BTBD9: variants seen among roughly 807,000 people sequenced by gnomAD.
BTBD9 encodes BTB/POZ domain-containing protein 9.
Under a neutral mutation model 64.3 loss-of-function variants are expected in BTBD9, and 49 were observed. The ratio of observed to expected loss-of-function variants is 0.76; its 90% confidence interval spans 0.61 to 0.97. The LOEUF is 0.97. BTBD9 is among the 50% of genes least tolerant of loss of function. The pLI, the probability that BTBD9 is intolerant of heterozygous loss-of-function variation, is 0.00. For missense variants in BTBD9, 598 were observed against 762.1 expected (o/e 0.78, Z 2.53); for synonymous variants, 260 against 274.7 (o/e 0.95, Z 0.53).
At chr6:38,628,272 T>G (rs957363680) in intron 1 of BTBD9, among the ~76,000 whole-genome samples, 1 of 152,118 alleles carries the variant, frequency 6.6e-6, no homozygotes, top group Non-Finnish European at 1.5e-5. Flanking sequence ...AAACTGTAGT[T>G]CAAATGAATA....
At chr6:38,524,150 A>C (rs989540599) in intron 6 of BTBD9, among the ~76,000 whole-genome samples, 5 of 151,786 alleles carry the variant, frequency 3.3e-5, no homozygotes, top group African/African-American at 1.2e-4. Flanking sequence ...TTTATAAATT[A>C]AATATAAAAT....
At chr6:38,520,385 C>T (rs968843726) in intron 6 of BTBD9, among the ~76,000 whole-genome samples, 11 of 151,750 alleles carry the variant, frequency 7.2e-5, no homozygotes, top group African/African-American at 2.4e-4. Context: ...CACTTGAACC[C>T]GAGAGGCAGA....
At chr6:38,298,840 T>A (rs1316738094) in intron 7 of BTBD9, among the ~76,000 whole-genome samples, 1 of 149,704 alleles carries the variant, frequency 6.7e-6, no homozygotes, top group East Asian at 2.0e-4. Flanking sequence ...TTGCTGCAAA[T>A]GAAAGTATTT....
In BTBD9 at chr6:38,479,608, GCCA is replaced by G. The variant is rs765738944; in HGVS notation, c.1154+97989_1154+97991del. 8.5e-5 allele frequency among the ~76,000 whole-genome samples: 13 copies of G among 152,284 alleles called. No homozygotes were observed. In the South Asian group the frequency reaches 2.5e-3, roughly 29 times the overall value. On this transcript the variant is annotated intron_variant, in intron 6 of 10. Coordinates refer to ENST00000481247, the MANE Select transcript of BTBD9 (RefSeq NM_001099272.2). ...TTTCTGACTGCATCCGTGTGACTGG[GCCA>G]CCAAGTCCCACTGATGTAGTTGGTA... is the stretch of plus-strand genomic sequence containing the variant.
chr6:38,348,688 A>T (rs1562058985), intron 6 of BTBD9, among the ~76,000 whole-genome samples: 1 of 152,180 alleles, frequency 6.6e-6, no homozygotes, highest in Non-Finnish European at 1.5e-5. Context: ...ATAGTTCAGT[A>T]CACAATGTTT....
At chr6:38,566,991 T>C (rs772780911) in intron 6 of BTBD9, among the ~76,000 whole-genome samples, 8 of 152,320 alleles carry the variant, frequency 5.3e-5, no homozygotes, top group Non-Finnish European at 1.2e-4. Context: ...TATCAAGCAG[T>C]TTTTCATTAC....
chr6:38,252,882 G>A (rs1238625090), intron 9 of BTBD9, among the ~76,000 whole-genome samples: 6 of 152,172 alleles, frequency 3.9e-5, no homozygotes, highest in Non-Finnish European at 7.3e-5. Context: ...CAAGGTGGGC[G>A]GATCACCTGA....
At chr6:38,377,435 A>G (rs771476217) in intron 6 of BTBD9, among the ~76,000 whole-genome samples, 2 of 152,244 alleles carry the variant, frequency 1.3e-5, no homozygotes, top group African/African-American at 2.4e-5. Flanking sequence ...AACCAATGAT[A>G]GTATGCAACT....
At chr6:38,348,315 C>A (rs1764367646) in intron 6 of BTBD9, among the ~76,000 whole-genome samples, 1 of 152,126 alleles carries the variant, frequency 6.6e-6, no homozygotes, top group South Asian at 2.1e-4. Context: ...ACAAGAAATC[C>A]TGAATATAGG....
chr6:38,553,382 G>A (rs541595530), intron 6 of BTBD9, among the ~76,000 whole-genome samples: 1 of 152,272 alleles, frequency 6.6e-6, no homozygotes, highest in East Asian at 1.9e-4. Context: ...GAGGGGGCAG[G>A]CTGGTCACTA....
chr6:38,391,235 T>C (rs929826064), intron 6 of BTBD9, among the ~76,000 whole-genome samples: 1 of 152,212 alleles, frequency 6.6e-6, no homozygotes, highest in Non-Finnish European at 1.5e-5. Context: ...ATCCTTTTTA[T>C]CAAGTCTTAA....
chr6:38,225,144 G>A (rs1318313203), intron 9 of BTBD9, among the ~76,000 whole-genome samples: 1 of 152,176 alleles, frequency 6.6e-6, no homozygotes, highest in East Asian at 1.9e-4. Flanking sequence ...TTCAAAGGAC[G>A]GAAATGTTCA....
At chr6:38,282,060 A>G (rs1466676856) in intron 8 of BTBD9, among the ~76,000 whole-genome samples, 3 of 152,202 alleles carry the variant, frequency 2.0e-5, no homozygotes, top group Non-Finnish European at 2.9e-5. Flanking sequence ...TAGCAAGTAG[A>G]AAGATAATAA....
chr6:38,208,962 G>A lies in BTBD9; in HGVS notation c.1563-16365C>T, dbSNP rs117603878. Among the ~76,000 whole-genome samples the A allele has an allele frequency of 1.4e-3, 208 of 152,316 alleles. 5 individuals carry two copies. The East Asian group carries it at 0.032, about 24-fold the overall frequency. On this transcript the variant is annotated intron_variant, in intron 9 of 10. Coordinates refer to ENST00000481247, the MANE Select transcript of BTBD9 (RefSeq NM_001099272.2). ...CGCTGACTAGCCAAAGGCTCACTAA[G>A]ATCAAAAGTCGCACATGGGAGCCTC... is the stretch of plus-strand genomic sequence containing the variant.
chr6:38,577,703 T>C lies in BTBD9; in HGVS notation c.1051A>G (p.Ile351Val). ...DRDSRSYSYF[I>V]EVSMDELDWV... The stretch of plus-strand genomic sequence containing the variant: ...TCAAGTTCATCCATTGACACTTCAA[T>C]GAAGTATGAGTAAGACCTGTGAATC... The change falls in exon 6 of 11, where the codon ATT becomes GTT. Residue 351 changes from isoleucine to valine, a missense_variant. Coordinates refer to ENST00000481247, the MANE Select transcript of BTBD9 (RefSeq NM_001099272.2). 6.2e-7 allele frequency: 1 copy of C among 1,609,052 alleles called. No homozygotes were observed. Among genetic ancestry groups the C allele is most frequent in the South Asian group, 1.1e-5 (1 of 90,790 alleles).
chr6:38,507,507 C>G (rs1772580476), intron 6 of BTBD9, among the ~76,000 whole-genome samples: 1 of 152,212 alleles, frequency 6.6e-6, no homozygotes, highest in African/African-American at 2.4e-5. Context: ...TCCATACCAT[C>G]CAACTGCTCT....
rs184683198 is a variant in BTBD9, at chr6:38,357,555, C to T, written c.1155-12462G>A. Reference sequence around the variant, plus strand: ...TTTCACAAGAACAAAATGGATTATTCAGGCTCTCTGCTCCACTCTCCCCAT... The same window carrying T: ...TTTCACAAGAACAAAATGGATTATTTAGGCTCTCTGCTCCACTCTCCCCAT... On this transcript the variant is annotated intron_variant, in intron 6 of 10. Transcript: ENST00000481247. Among the ~76,000 whole-genome samples the T allele has an allele frequency of 1.2e-3, 185 of 152,310 alleles. 2 individuals carry two copies. Among genetic ancestry groups the T allele is most frequent in the Admixed American group, 0.012 (184 of 15,298 alleles).
At chr6:38,536,857 T>C (rs1476176666) in intron 6 of BTBD9, among the ~76,000 whole-genome samples, 1 of 152,012 alleles carries the variant, frequency 6.6e-6, no homozygotes, top group Non-Finnish European at 1.5e-5. Context: ...GGATGCTTAA[T>C]GGGTACAAAA....
intron 8 of BTBD9, among the ~76,000 whole-genome samples, chr6:38,278,017 A>C (rs1761347494): frequency 6.6e-6 from 1 of 152,218 alleles, no homozygotes. Flanking sequence ...AATAATTCTA[A>C]GTGAAAGTTG....
Sources: allele counts gnomAD v4.1 joint callset (sites outside exome capture counted in the v4.1 genomes callset), GRCh38; gene constraint gnomAD v4.1.1; transcripts MANE v1.5; gene names NCBI Gene and HGNC (gene_info 2026-07-23, HGNC 2026-07-21).